PTPRD: variants seen among roughly 807,000 people sequenced by gnomAD.
PTPRD encodes protein tyrosine phosphatase receptor type D.
PTPRD carries 34 observed loss-of-function variants against 214.5 expected under a neutral mutation model. That is an observed-to-expected ratio of 0.16 (90% CI 0.12 to 0.21). The LOEUF (loss-of-function observed/expected upper bound fraction) is 0.21, where lower values mean the gene tolerates loss of function less well. PTPRD is among the 10% of genes least tolerant of loss of function. The pLI, the probability that PTPRD is intolerant of heterozygous loss-of-function variation, is 1.00. For synonymous variants in PTPRD, 1,128 were observed against 845.7 expected (o/e 1.33, Z -5.79); for missense variants, 2,545 against 2,398.7 (o/e 1.06, Z -1.27).
chr9:10,604,645 AAAC>A (rs1283879867), intron 2 of PTPRD, among the ~76,000 whole-genome samples: 3 of 151,780 alleles, frequency 2.0e-5, no homozygotes, highest in African/African-American at 7.2e-5. Flanking sequence ...TCCTAGGAGA[AAAC>A]AAATGGCTAG....
At chr9:9,274,840 G>A (rs1944346700) in intron 9 of PTPRD, among the ~76,000 whole-genome samples, 1 of 149,398 alleles carries the variant, frequency 6.7e-6, no homozygotes, top group South Asian at 2.1e-4. Context: ...CTAGTCTTCA[G>A]TGAGATATTC....
chr9:9,127,064 A>C (rs1319984789), intron 10 of PTPRD, among the ~76,000 whole-genome samples: 2 of 151,682 alleles, frequency 1.3e-5, no homozygotes, highest in African/African-American at 4.8e-5. Context: ...ACAAACCCAG[A>C]ACAGGTTGCC....
At chr9:8,589,074 T>C (rs77983862) in intron 14 of PTPRD, among the ~76,000 whole-genome samples, 3,388 of 152,314 alleles carry the variant, frequency 0.022, 150 homozygotes, top group East Asian at 0.11. Flanking sequence ...TAGAAAATTT[T>C]GAGTGATATA....
Position 10,527,565 on chromosome 9 carries a change from G to A in PTPRD, c.-600+84833C>T, listed in dbSNP as rs117151325. ...AAAAGCAACAAGGTTAATACATGTA[G>A]AATAGCTTAAAACCACAAAGAACAC... On this transcript the variant is annotated intron_variant, in intron 2 of 45. Transcript: ENST00000381196. Among the ~76,000 whole-genome samples the A allele has an allele frequency of 3.3e-3, 499 of 152,256 alleles. 5 individuals are homozygous for A. The highest frequency in any genetic ancestry group is 0.014 in the East Asian group (74 of 5,180).
intron 5 of PTPRD, among the ~76,000 whole-genome samples, chr9:9,886,737 G>A (rs978842993): frequency 1.3e-5 from 2 of 152,102 alleles, no homozygotes; most frequent in African/African-American, 2.4e-5. Flanking sequence ...AGACAATGCA[G>A]CCTCCATCTT....
chr9:9,796,148 C>T (rs959790284), intron 5 of PTPRD, among the ~76,000 whole-genome samples: 1 of 152,060 alleles, frequency 6.6e-6, no homozygotes, highest in African/African-American at 2.4e-5. Context: ...TAAAGAGGAT[C>T]CCCAAATGGA....
At chr9:9,601,406 C>T (rs536909136) in intron 7 of PTPRD, among the ~76,000 whole-genome samples, 43 of 151,960 alleles carry the variant, frequency 2.8e-4, no homozygotes, top group African/African-American at 1.0e-3. Flanking sequence ...GGGAAAATTA[C>T]AAATGTTTAG....
At chr9:9,061,249 A>G (rs1186610044) in intron 10 of PTPRD, among the ~76,000 whole-genome samples, 1 of 152,216 alleles carries the variant, frequency 6.6e-6, no homozygotes, top group African/African-American at 2.4e-5. Flanking sequence ...ACTGCAACAC[A>G]AAAGAAAACA....
chr9:9,236,023 G>A (rs887872595), intron 9 of PTPRD, among the ~76,000 whole-genome samples: 50 of 152,194 alleles, frequency 3.3e-4, no homozygotes, highest in African/African-American at 1.2e-3. Flanking sequence ...CAGCACTTTG[G>A]GAGGCTGAGG....
At chr9:10,202,667 T>C (rs1381350085) in intron 3 of PTPRD, among the ~76,000 whole-genome samples, 1 of 113,066 alleles carries the variant, frequency 8.8e-6, no homozygotes, top group African/African-American at 3.8e-5. Context: ...ATAAAAATTA[T>C]ATGGATATAT....
chr9:8,408,414 T>A (rs1307934022), intron 35 of PTPRD, among the ~76,000 whole-genome samples: 2 of 152,154 alleles, frequency 1.3e-5, no homozygotes, highest in Non-Finnish European at 2.9e-5. Flanking sequence ...TAATCTTCCA[T>A]GGGATACCCT....
At chr9:9,344,424 C>T (rs946935063) in intron 9 of PTPRD, among the ~76,000 whole-genome samples, 2 of 151,776 alleles carry the variant, frequency 1.3e-5, no homozygotes, top group Non-Finnish European at 2.9e-5. Context: ...CAGCAAACCA[C>T]GATGGCACAT....
At position 10,160,306 on chromosome 9, in the gene PTPRD, T is replaced by G. The variant is rs1050363692; in HGVS notation, c.-544-126516A>C. On this transcript the variant is annotated intron_variant, in intron 3 of 45. Coordinates refer to ENST00000381196, the MANE Select transcript of PTPRD (RefSeq NM_002839.4). ...CTGACAAGTTTGAAGCATGAGGATA[T>G]TGAGAACCTCAACAAACCAATAACA... 2.0e-5 allele frequency among the ~76,000 whole-genome samples: 3 copies of G among 152,056 alleles called. No individual in the cohort carries two copies. In the South Asian group the frequency reaches 6.2e-4, roughly 31 times the overall value.
chr9:9,975,834 G>T (rs1587934166), intron 4 of PTPRD, among the ~76,000 whole-genome samples: 1 of 152,256 alleles, frequency 6.6e-6, no homozygotes, highest in East Asian at 1.9e-4. Flanking sequence ...TCAGTTTACT[G>T]CATTAAAGTG....
At chr9:10,578,719 G>GT (rs1024847533) in intron 2 of PTPRD, among the ~76,000 whole-genome samples, 15 of 151,904 alleles carry the variant, frequency 9.9e-5, no homozygotes, top group East Asian at 3.9e-4. Context: ...GTTCATATTA[G>GT]TTTTTTTTGA....
chr9:8,659,654 AATTG>A (rs1346001155), intron 12 of PTPRD, among the ~76,000 whole-genome samples: 4 of 152,210 alleles, frequency 2.6e-5, no homozygotes, highest in Admixed American at 2.6e-4. Context: ...GTACAGAAGT[AATTG>A]ATTGGGGCAA....
intron 2 of PTPRD, among the ~76,000 whole-genome samples, chr9:10,417,677 T>C (rs55969236): frequency 0.069 from 10,507 of 151,678 alleles, 1,240 homozygotes; most frequent in African/African-American, 0.24. Context: ...TATTAGAAAG[T>C]AACAAAAAAT....
chr9:9,409,743 G>A (rs916755142), intron 8 of PTPRD, among the ~76,000 whole-genome samples: 1 of 152,030 alleles, frequency 6.6e-6, no homozygotes, highest in African/African-American at 2.4e-5. Context: ...AATCCCAGTA[G>A]AGTACCATGG....
intron 36 of PTPRD, among the ~76,000 whole-genome samples, chr9:8,395,174 C>T (rs562012963): frequency 1.2e-4 from 18 of 152,214 alleles, no homozygotes; most frequent in Admixed American, 5.2e-4. Context: ...CAAGTTTGTT[C>T]TTTGTTGTAA....
Sources: gnomAD v4.1 joint callset for allele counts (sites outside exome capture counted in the v4.1 genomes callset) on GRCh38, gnomAD v4.1.1 for gene constraint, MANE v1.5 for transcripts, NCBI Gene and HGNC (gene_info 2026-07-23, HGNC 2026-07-21) for gene names.